Variants in MS4A7 observed in about 807,000 individuals in gnomAD.
MS4A7 encodes the protein membrane-spanning 4-domains subfamily A member 7.
Under a neutral mutation model 23.5 loss-of-function variants are expected in MS4A7, and 21 were observed. The observed-to-expected ratio is 0.89, with a 90% CI of 0.63 to 1.29. The LOEUF (loss-of-function observed/expected upper bound fraction) is 1.29, where lower values mean the gene tolerates loss of function less well. MS4A7 is among the 50% of genes most tolerant of loss of function. MS4A7 has a pLI of 0.00. For synonymous variants in MS4A7, 111 were observed against 107.4 expected (o/e 1.03, Z -0.21); for missense variants, 263 against 274.2 (o/e 0.96, Z 0.29).
At position 60,395,149 on chromosome 11, in the gene MS4A7, G is replaced by A; in HGVS notation, c.*1288G>A. On this transcript the variant is annotated 3_prime_UTR_variant, in exon 7 of 7. Coordinates refer to ENST00000300184, the MANE Select transcript of MS4A7 (RefSeq NM_021201.5). ...CACCCCTGCACTTTGTACCACATGG[G>A]CGTATTCTTTCTTCCCAGTCATTGC... 1 of 376,516 alleles carries A rather than the reference G, an allele frequency of 2.7e-6. No individual in the cohort carries two copies. 23.3% of individuals were successfully genotyped at this position (376,516 alleles called of 1,614,324 possible).
chr11:60,392,037 G>A (rs916513024), intron 5 of MS4A7, among the ~76,000 whole-genome samples: 1 of 151,570 alleles, frequency 6.6e-6, no homozygotes, highest in Non-Finnish European at 1.5e-5. Context: ...AATGAAAATT[G>A]TCTTTGAAAT....
Position 60,393,828 on chromosome 11 carries a change from G to T in MS4A7, c.690G>T (p.Gln230His), listed in dbSNP as rs192977568. ...SSTQSQDHIQQVKKSSSRSWI is the reference protein window; with the variant it reads ...SSTQSQDHIQHVKKSSSRSWI ...CCCAGTCACAAGATCATATCCAACA[G>T]GTCAAAAAGAGTTCTTCACGGTCTT... The change falls in exon 7 of 7, where the codon CAG becomes CAT. Residue 230 changes from glutamine (Q) to histidine (H), a missense_variant. By Grantham distance (24) the Gln-to-His change is conservative. Coordinates refer to ENST00000300184, the MANE Select transcript of MS4A7 (RefSeq NM_021201.5). 105 of 1,611,602 alleles carry T rather than the reference G, an allele frequency of 6.5e-5. 1 individual carries two copies. In the Admixed American group the frequency reaches 1.0e-3, roughly 16 times the overall value.
chr11:60,387,234 A>G (rs1257589811), intron 4 of MS4A7, among the ~76,000 whole-genome samples: 1 of 152,198 alleles, frequency 6.6e-6, no homozygotes, highest in East Asian at 1.9e-4. Flanking sequence ...CTTCAGCGTC[A>G]GGGTGACCAA....
intron 3 of MS4A7, chr11:60,386,486 T>C (rs1373709860): frequency 2.3e-6 from 1 of 442,138 alleles, no homozygotes; most frequent in African/African-American, 2.0e-5. Flanking sequence ...TGATTTCCAC[T>C]AAAACAAATC....
At chr11:60,388,354 T>C (rs2085513326) in intron 4 of MS4A7, among the ~76,000 whole-genome samples, 1 of 152,230 alleles carries the variant, frequency 6.6e-6, no homozygotes, top group East Asian at 1.9e-4. Flanking sequence ...AGCACACAGA[T>C]GGATCAGTGA....
In MS4A7 at chr11:60,389,482, T is replaced by G; in HGVS notation, c.432T>G (p.Thr144=). The change falls in exon 5 of 7, where the codon ACT becomes ACG. Residue 144 remains threonine, a synonymous_variant. Transcript: ENST00000300184. The part of the protein sequence containing the change: ...LLADSMVALR[T]ASQHCGSEMD... Reference sequence around the variant, plus strand: ...CTGACAGCATGGTAGCCCTGAGGACTGCCTCTCAACATTGTGGCTCAGAAA... The same window carrying G: ...CTGACAGCATGGTAGCCCTGAGGACGGCCTCTCAACATTGTGGCTCAGAAA... The G allele has an allele frequency of 6.2e-7, 1 of 1,614,132 alleles. No homozygotes were observed.
intron 4 of MS4A7, among the ~76,000 whole-genome samples, chr11:60,388,434 C>T (rs1187509745): frequency 6.6e-6 from 1 of 152,202 alleles, no homozygotes; most frequent in Non-Finnish European, 1.5e-5. Context: ...ACTATGACTC[C>T]AACCAATGAA....
chr11:60,391,703 G>A (rs1036392670), intron 5 of MS4A7, among the ~76,000 whole-genome samples: 4 of 152,104 alleles, frequency 2.6e-5, no homozygotes, highest in East Asian at 1.9e-4. Context: ...TGGATCACCC[G>A]AGGCCAGGAG....
intron 2 of MS4A7, 151 bp from the exon 3 acceptor site, chr11:60,384,937 A>G: frequency 1.6e-6 from 1 of 611,002 alleles, no homozygotes; most frequent in Admixed American, 3.3e-5. Context: ...TTTCTCTAGA[A>G]GCATATCGAT....
Position 60,392,707 on chromosome 11 carries a change from TCTTCA to T in MS4A7, c.572_576del (p.Phe191CysfsTer68). 1 of 1,613,890 alleles carries T rather than the reference TCTTCA, an allele frequency of 6.2e-7. No homozygotes were observed. Among genetic ancestry groups the T allele is most frequent in the Non-Finnish European group, 8.5e-7 (1 of 1,179,916 alleles). ...CAGGGTGTCCTAGTGGTGATGCTCA[TCTTCA>T]CTGTGCTGGAGCTCTTATTAGCTGC... On this transcript the variant is annotated frameshift_variant, in exon 6 of 7. Transcript: ENST00000300184. LOFTEE classifies it high-confidence loss of function.
chr11:60,382,341 G>T (rs17154877), intron 1 of MS4A7, among the ~76,000 whole-genome samples: 1 of 152,186 alleles, frequency 6.6e-6, no homozygotes, highest in East Asian at 1.9e-4. Flanking sequence ...GTAAACACAG[G>T]CTGTTAATAT....
At position 60,389,417 on chromosome 11, in the gene MS4A7, G is replaced by T. The variant is rs1281647337; in HGVS notation, c.367G>T (p.Val123Leu). 6.2e-7 allele frequency: 1 copy of T among 1,613,302 alleles called. No homozygotes were observed. The highest frequency in any genetic ancestry group is 1.7e-5 in the Admixed American group (1 of 59,942). Residue 123 changes from valine (V) to leucine (L), a missense_variant, in exon 5 of 7, where the codon GTG becomes TTG. By Grantham distance (32) the Val-to-Leu change is conservative. Coordinates refer to ENST00000300184, the MANE Select transcript of MS4A7 (RefSeq NM_021201.5). ...CCTGAGCAGCTTGACCTCAAATGCA[G>T]TGAGTTCTGTTACTGCAGGAGCAGG... ...FDLSSLTSNA[V>L]SSVTAGAGLF...
chr11:60,390,670 T>C (rs540154124), intron 5 of MS4A7, among the ~76,000 whole-genome samples: 1 of 152,028 alleles, frequency 6.6e-6, no homozygotes, highest in African/African-American at 2.4e-5. Context: ...GGGAGAGGCA[T>C]ATTGGGGGTT....
chr11:60,394,035 T>A lies in MS4A7; in HGVS notation c.*174T>A. ...TTATTTAATTTCTCTTGAAAATAAT[T>A]TCCTCAAAGCCCAAGTCAATAAATG... On this transcript the variant is annotated 3_prime_UTR_variant, in exon 7 of 7. Transcript: ENST00000300184. 1 of 385,396 alleles carries A rather than the reference T, an allele frequency of 2.6e-6. No homozygotes were observed. Among genetic ancestry groups the A allele is most frequent in the Non-Finnish European group, 4.3e-6 (1 of 233,344 alleles). The allele number at this position is 385,396 out of a possible 1,614,324, so 23.9% of individuals were successfully genotyped here.
At chr11:60,393,047 G>A (rs1045196023) in intron 6 of MS4A7, among the ~76,000 whole-genome samples, 1 of 152,090 alleles carries the variant, frequency 6.6e-6, no homozygotes, top group Non-Finnish European at 1.5e-5. Flanking sequence ...CTTGAACCCA[G>A]GAAGTGGAGG....
At chr11:60,387,266 G>A (rs930227187) in intron 4 of MS4A7, among the ~76,000 whole-genome samples, 26 of 152,148 alleles carry the variant, frequency 1.7e-4, no homozygotes, top group African/African-American at 6.0e-4. Context: ...TCCCAGGACT[G>A]TCTCAGTTTT....
chr11:60,395,816 T>C lies in MS4A7; in HGVS notation c.*1955T>C, dbSNP rs550172526. On this transcript the variant is annotated 3_prime_UTR_variant, in exon 7 of 7. Transcript: ENST00000300184. ...GAAAAAAGATAACTACGTGAGGTGA[T>C]GGATATGTTAATTAGCTGGATTGTG... is the stretch of plus-strand genomic sequence containing the variant. 1 of 152,124 alleles carries C rather than the reference T, an allele frequency of 6.6e-6. No homozygotes were observed. The highest frequency in any genetic ancestry group is 6.6e-5 in the Admixed American group (1 of 15,262). The allele number at this position is 152,124 out of a possible 1,614,324, so 9.4% of individuals were successfully genotyped here.
intron 5 of MS4A7, 43 bp downstream of exon 5, chr11:60,389,639 G>A: frequency 6.5e-7 from 1 of 1,544,400 alleles, no homozygotes; most frequent in Non-Finnish European, 8.9e-7. Flanking sequence ...TGAAATCTCT[G>A]TGTCTCCCCT....
intron 6 of MS4A7, 45 bp from the exon 7 acceptor site, chr11:60,393,742 C>A: frequency 6.7e-7 from 1 of 1,481,742 alleles, no homozygotes; most frequent in Non-Finnish European, 9.3e-7. Context: ...TTTTTAATCT[C>A]CGAAATCAAA....
Sources: gnomAD v4.1 joint callset for allele counts (sites outside exome capture counted in the v4.1 genomes callset) on GRCh38, gnomAD v4.1.1 for gene constraint, MANE v1.5 for transcripts, NCBI Gene and HGNC (gene_info 2026-07-23, HGNC 2026-07-21) for gene names.